DST: variants seen among roughly 807,000 people sequenced by gnomAD.
DST encodes the protein dystonin, also known as bullous pemphigoid antigen.
A neutral mutation model predicts 875.2 loss-of-function variants in DST; 253 were observed. That is an observed-to-expected ratio of 0.29 (90% CI 0.26 to 0.32). DST has a LOEUF of 0.32. Among genes scored for constraint, DST ranks in the 10% least tolerant of loss-of-function variants. DST has a pLI of 1.00. For synonymous variants in DST, 3,124 were observed against 3,197.1 expected (o/e 0.98, Z 0.77); for missense variants, 8,287 against 9,111.6 (o/e 0.91, Z 3.68).
At chr6:56,617,173 G>A in intron 36 of DST, 1 of 1,601,618 alleles carries the variant, frequency 6.2e-7, no homozygotes, top group Admixed American at 1.7e-5. Context: ...CCAACTGCCT[G>A]GCAGTCACAG....
chr6:56,526,706 G>T, intron 68 of DST, 139 bp from the exon 69 acceptor site: 2 of 693,342 alleles, frequency 2.9e-6, no homozygotes, highest in Non-Finnish European at 4.5e-6. Flanking sequence ...TTTCAGTCGA[G>T]TTAAATAAAC....
intron 2 of DST, among the ~76,000 whole-genome samples, chr6:56,918,007 G>C (rs1183291894): frequency 6.6e-6 from 1 of 152,082 alleles, no homozygotes; most frequent in Non-Finnish European, 1.5e-5. Context: ...TGTGATGTTA[G>C]TTCCTATCAT....
At chr6:56,720,308 G>C (rs2099409800) in intron 5 of DST, among the ~76,000 whole-genome samples, 2 of 150,406 alleles carry the variant, frequency 1.3e-5, no homozygotes, top group Admixed American at 6.6e-5. Flanking sequence ...AGAGTTTAAG[G>C]TTATCTCTCT....
intron 4 of DST, among the ~76,000 whole-genome samples, chr6:56,842,000 A>G (rs1209345392): frequency 6.6e-6 from 1 of 152,250 alleles, no homozygotes. Flanking sequence ...AATTTCGGTT[A>G]TAAAACATAT....
In DST at chr6:56,529,695, C is replaced by T; in HGVS notation, c.17348G>A (p.Ser5783Asn). 1 of 1,613,466 alleles carries T rather than the reference C, an allele frequency of 6.2e-7. No homozygotes were observed. Among genetic ancestry groups the T allele is most frequent in the South Asian group, 1.1e-5 (1 of 91,002 alleles). Reference sequence around the variant, plus strand: ...CACCATATCTTTATCCTCCCTGGAGCTCAAAACCTTTAAGGACTGGCCAAT... The same window carrying T: ...CACCATATCTTTATCCTCCCTGGAGTTCAAAACCTTTAAGGACTGGCCAAT... ...VSIGQSLKVL[S>N]SREDKDMVQS... The change falls in exon 66 of 104, where the codon AGC becomes AAC. Residue 5783 changes from serine to asparagine, a missense_variant. Coordinates refer to ENST00000680361, the MANE Select transcript of DST (RefSeq NM_001374736.1).
chr6:56,860,019 C>T (rs1770175626), intron 3 of DST, among the ~76,000 whole-genome samples: 1 of 152,176 alleles, frequency 6.6e-6, no homozygotes, highest in Admixed American at 6.5e-5. Flanking sequence ...ATTGTAGATG[C>T]ACTGTGGCTG....
chr6:56,637,039 C>T (rs2098832258), intron 22 of DST, among the ~76,000 whole-genome samples: 1 of 151,966 alleles, frequency 6.6e-6, no homozygotes, highest in Admixed American at 6.6e-5. Flanking sequence ...GCCAAAATTG[C>T]GCCATCGCAC....
At chr6:56,782,363 T>A (rs1451061491) in intron 4 of DST, among the ~76,000 whole-genome samples, 2 of 152,164 alleles carry the variant, frequency 1.3e-5, no homozygotes, top group Non-Finnish European at 2.9e-5. Flanking sequence ...TGGACTCTTT[T>A]TGGTTGGTAA....
chr6:56,647,484 AC>A (rs1453356130), intron 13 of DST, among the ~76,000 whole-genome samples: 1 of 152,178 alleles, frequency 6.6e-6, no homozygotes, highest in African/African-American at 2.4e-5. Flanking sequence ...AATGGAGCTC[AC>A]CCTAGGTTAT....
chr6:56,695,425 A>C (rs1389251362), intron 9 of DST, among the ~76,000 whole-genome samples: 1 of 152,212 alleles, frequency 6.6e-6, no homozygotes, highest in Admixed American at 6.5e-5. Context: ...CAAACTAAGC[A>C]GCTGTCCATT....
At chr6:56,719,087 G>C (rs2099405076) in intron 5 of DST, among the ~76,000 whole-genome samples, 2 of 151,988 alleles carry the variant, frequency 1.3e-5, no homozygotes, top group Admixed American at 1.3e-4. Context: ...AAATATTTTA[G>C]TCACACTCCT....
intron 4 of DST, among the ~76,000 whole-genome samples, chr6:56,787,027 G>A (rs1382632302): frequency 6.6e-6 from 1 of 152,160 alleles, no homozygotes; most frequent in South Asian, 2.1e-4. Context: ...GCCAGGCACC[G>A]TTTCAACAAA....
At position 56,611,572 on chromosome 6, in the gene DST, T is replaced by C. The variant is rs1447313948; in HGVS notation, c.5083A>G (p.Lys1695Glu). The change falls in exon 38 of 104, where the codon AAG becomes GAG. Residue 1695 changes from lysine to glutamate, a missense_variant. Around this residue, in one of 10 missense-constraint regions of DST, gnomAD observed 3,138 missense variants for 3,116.6 expected, o/e 1.01. Coordinates refer to ENST00000680361, the MANE Select transcript of DST (RefSeq NM_001374736.1). The stretch of plus-strand genomic sequence containing the variant: ...AGTGCTTCCGATAATTGTTCCTTCT[T>C]GGTTGATATTTCCTCACTGGAAATC... ...QKISSEEIST[K>E]KEQLSEALQT... The C allele has an allele frequency of 1.9e-6, 3 of 1,612,820 alleles. No individual in the cohort carries two copies. Among genetic ancestry groups the C allele is most frequent in the Admixed American group, 3.3e-5 (2 of 59,946 alleles).
At position 56,952,012 on chromosome 6, in the gene DST, C is replaced by T. The variant is rs547494195; in HGVS notation, c.216+1773G>A. Among the ~76,000 whole-genome samples the T allele has an allele frequency of 1.6e-3, 238 of 152,088 alleles. 1 individual carries two copies. The highest frequency in any genetic ancestry group is 5.3e-3 in the African/African-American group (218 of 41,482). On this transcript the variant is annotated intron_variant, in intron 2 of 103. Transcript: ENST00000680361. ...TCATTCAATAAATATTTATTAATAA[C>T]CCACTGTATACAAGGCACTGAGCCA...
chr6:56,743,770 G>C (rs1005844192), intron 4 of DST, among the ~76,000 whole-genome samples: 2 of 152,320 alleles, frequency 1.3e-5, no homozygotes, highest in East Asian at 3.9e-4. Flanking sequence ...ACCAAGAGCA[G>C]AGAGTGCAGT....
chr6:56,766,617 G>A (rs141877914), intron 4 of DST, among the ~76,000 whole-genome samples: 258 of 149,268 alleles, frequency 1.7e-3, no homozygotes, highest in African/African-American at 5.9e-3. Flanking sequence ...TGCAACCTCC[G>A]CCTCCCAGGT....
intron 4 of DST, among the ~76,000 whole-genome samples, chr6:56,848,121 C>A (rs1267068360): frequency 6.6e-6 from 1 of 152,160 alleles, no homozygotes; most frequent in Admixed American, 6.5e-5. Flanking sequence ...TATTAGGACT[C>A]ATTTCTTTTA....
At chr6:56,825,247 A>G (rs895197730) in intron 4 of DST, among the ~76,000 whole-genome samples, 17 of 148,980 alleles carry the variant, frequency 1.1e-4, no homozygotes, top group Non-Finnish European at 2.1e-4. Context: ...CTCAGGGTTA[A>G]ATGGATTAAG....
At position 56,506,498 on chromosome 6, in the gene DST, A is replaced by G. The variant is rs755623281; in HGVS notation, c.19409T>C (p.Ile6470Thr). 12 of 1,613,182 alleles carry G rather than the reference A, an allele frequency of 7.4e-6. No homozygotes were observed. In the South Asian group the frequency reaches 7.7e-5, roughly 10 times the overall value. Residue 6470 changes from isoleucine to threonine, a missense_variant, in exon 77 of 104, where the codon ATT becomes ACT. Around this residue, in one of 10 missense-constraint regions of DST, gnomAD observed 1,292 missense variants for 1,552.7 expected, o/e 0.83. Transcript: ENST00000680361. ...CTGCATTGCCTCCTCAAGTTTGTCA[A>G]TCCGGTCTTTCCAAGCTTTATTTAG... ...DSLNKAWKDRIDKLEEAMQAA... is the reference protein window; with the variant it reads ...DSLNKAWKDRTDKLEEAMQAA...
Sources: gnomAD v4.1 joint callset for allele counts (sites outside exome capture counted in the v4.1 genomes callset) on GRCh38, gnomAD v4.1.1 for gene constraint, gnomAD v4.1.1 regional missense constraint, MANE v1.5 for transcripts, NCBI Gene and HGNC (gene_info 2026-07-23, HGNC 2026-07-21) for gene names.